The following MACROD1 variants were observed in gnomAD, a reference collection of about 807,000 sequenced individuals.
MACROD1 encodes ADP-ribose glycohydrolase MACROD1.
A neutral mutation model predicts 41.4 loss-of-function variants in MACROD1; 31 were observed. The ratio of observed to expected loss-of-function variants is 0.75; its 90% CI spans 0.56 to 1.01. The LOEUF is 1.01. Among genes scored for constraint, MACROD1 ranks in the 50% least tolerant of loss-of-function variants. MACROD1 has a pLI of 0.00. For missense variants in MACROD1, 473 were observed against 460.0 expected (o/e 1.03, Z -0.26); for synonymous variants, 252 against 203.4 (o/e 1.24, Z -2.03).
rs187105560 is a variant in MACROD1 at position 64,137,026 on chromosome 11, G to A, written c.517+14213C>T. On this transcript the variant is annotated intron_variant, in intron 3 of 10. Coordinates refer to ENST00000255681, the MANE Select transcript of MACROD1 (RefSeq NM_014067.4). Reference sequence around the variant, plus strand: ...GCCTGTGTGATTCCTAAGGCGAGACGAATCTCCAGGCCGCTTTTCTCAGCA... The same window carrying A: ...GCCTGTGTGATTCCTAAGGCGAGACAAATCTCCAGGCCGCTTTTCTCAGCA... 7.2e-5 allele frequency among the ~76,000 whole-genome samples: 11 copies of A among 152,364 alleles called. No homozygotes were observed. The East Asian group carries it at 1.5e-3, about 21-fold the overall frequency.
Position 64,165,970 on chromosome 11 carries a change from C to A in MACROD1, c.25G>T (p.Gly9Cys). MSLQSRLSGRLAQLRAAGQ... is the reference protein window; with the variant it reads MSLQSRLSCRLAQLRAAGQ... ...GCCGCGCGCAGCTGTGCCAGGCGGC[C>A]GGACAGTCGGCTCTGTAGAGACATG... Residue 9 changes from glycine to cysteine, a missense_variant, in exon 1 of 11, where the codon GGC (glycine) becomes TGC (cysteine). By Grantham distance (159) the Gly-to-Cys change is radical (BLOSUM62 -3). Transcript: ENST00000255681. 7.7e-7 allele frequency: 1 copy of A among 1,294,390 alleles called. No homozygotes were observed. Among genetic ancestry groups the A allele is most frequent in the Non-Finnish European group, 9.7e-7 (1 of 1,027,466 alleles). 80.2% of individuals were successfully genotyped at this position (1,294,390 alleles called of 1,614,324 possible).
At position 64,017,205 on chromosome 11, in the gene MACROD1, A is replaced by G. The variant is rs111935130; in HGVS notation, c.518-1924T>C. On this transcript the variant is annotated intron_variant, in intron 3 of 10. Coordinates refer to ENST00000255681, the MANE Select transcript of MACROD1 (RefSeq NM_014067.4). ...AAGCTGGTATCGTACTCCTGACCTC[A>G]AGTGATCCACCCGCCACGGCCTCCC... Among the ~76,000 whole-genome samples, 133 of 152,174 alleles carry G rather than the reference A, an allele frequency of 8.7e-4. 1 individual carries two copies. Among genetic ancestry groups the G allele is most frequent in the African/African-American group, 3.2e-3 (132 of 41,526 alleles).
chr11:64,105,186 G>A (rs912125247), intron 3 of MACROD1, among the ~76,000 whole-genome samples: 6 of 152,326 alleles, frequency 3.9e-5, no homozygotes, highest in South Asian at 2.1e-4. Context: ...GCCCGACAGC[G>A]GGGCCGCGAG....
At chr11:64,041,709 C>T (rs1943490746) in intron 3 of MACROD1, among the ~76,000 whole-genome samples, 1 of 152,172 alleles carries the variant, frequency 6.6e-6, no homozygotes, top group African/African-American at 2.4e-5. Flanking sequence ...AGGGACTGAG[C>T]TCTCTCAAGC....
At chr11:64,124,646 C>T (rs1590944375) in intron 3 of MACROD1, among the ~76,000 whole-genome samples, 1 of 151,996 alleles carries the variant, frequency 6.6e-6, no homozygotes, top group South Asian at 2.1e-4. Flanking sequence ...GCGGGTGTGC[C>T]TGGAGACCCC....
intron 1 of MACROD1, among the ~76,000 whole-genome samples, chr11:64,165,033 C>T (rs1945816505): frequency 6.6e-6 from 1 of 152,252 alleles, no homozygotes; most frequent in South Asian, 2.1e-4. Context: ...CCTCTAACCT[C>T]TGTTCCTGGC....
intron 3 of MACROD1, among the ~76,000 whole-genome samples, chr11:64,077,806 G>T (rs1009969229): frequency 6.6e-6 from 1 of 152,234 alleles, no homozygotes; most frequent in East Asian, 1.9e-4. Context: ...TCCGGCCGCC[G>T]CTCGGACATT....
At chr11:64,121,857 A>T (rs1033333409) in intron 3 of MACROD1, among the ~76,000 whole-genome samples, 2 of 152,180 alleles carry the variant, frequency 1.3e-5, no homozygotes, top group African/African-American at 4.8e-5. Context: ...AAAGTTAAAG[A>T]TAAAAAAAGC....
intron 3 of MACROD1, among the ~76,000 whole-genome samples, chr11:64,112,276 G>A (rs1247032152): frequency 1.3e-5 from 2 of 152,170 alleles, no homozygotes; most frequent in Non-Finnish European, 2.9e-5. Context: ...TACTTTGAGA[G>A]GCCCAGGGAG....
intron 4 of MACROD1, among the ~76,000 whole-genome samples, chr11:64,003,652 C>G (rs1358902252): frequency 6.6e-6 from 1 of 152,170 alleles, no homozygotes; most frequent in African/African-American, 2.4e-5. Context: ...TATTATTTTT[C>G]CTGTTTATAG....
At chr11:64,042,088 C>T (rs972763203) in intron 3 of MACROD1, among the ~76,000 whole-genome samples, 1 of 152,094 alleles carries the variant, frequency 6.6e-6, no homozygotes, top group Non-Finnish European at 1.5e-5. Flanking sequence ...GGGAAGGTGG[C>T]GGTGGCCCAG....
intron 3 of MACROD1, among the ~76,000 whole-genome samples, chr11:64,109,573 G>A (rs1944824090): frequency 6.6e-6 from 1 of 152,162 alleles, no homozygotes; most frequent in African/African-American, 2.4e-5. Flanking sequence ...GGAGGAGGTA[G>A]GGAACTATTT....
intron 3 of MACROD1, among the ~76,000 whole-genome samples, chr11:64,085,807 G>C (rs896420146): frequency 6.6e-5 from 10 of 152,220 alleles, no homozygotes; most frequent in African/African-American, 2.2e-4. Flanking sequence ...AGCTGGGCAA[G>C]TCGGGGAATA....
chr11:64,066,534 A>T (rs1565216984), intron 3 of MACROD1, among the ~76,000 whole-genome samples: 1 of 151,678 alleles, frequency 6.6e-6, no homozygotes, highest in African/African-American at 2.4e-5. Context: ...CAGGAGGATC[A>T]CTTGAGCCTG....
At chr11:64,033,967 C>G (rs751923804) in intron 3 of MACROD1, among the ~76,000 whole-genome samples, 2 of 152,172 alleles carry the variant, frequency 1.3e-5, no homozygotes, top group East Asian at 3.8e-4. Context: ...ATGGCTGGCT[C>G]GAAGATAACA....
intron 3 of MACROD1, among the ~76,000 whole-genome samples, chr11:64,033,032 G>C (rs1404498671): frequency 1.3e-5 from 2 of 152,034 alleles, no homozygotes; most frequent in East Asian, 1.9e-4. Context: ...TCTGCTGTCT[G>C]CAAGAACATC....
chr11:64,060,269 CGGG>C (rs1188813786), intron 3 of MACROD1, among the ~76,000 whole-genome samples: 1 of 152,212 alleles, frequency 6.6e-6, no homozygotes, highest in East Asian at 1.9e-4. Flanking sequence ...CCCAGAGCTC[CGGG>C]AGCGGCGGGA....
chr11:64,157,874 A>G (rs1038376119), intron 1 of MACROD1, among the ~76,000 whole-genome samples: 1 of 152,134 alleles, frequency 6.6e-6, no homozygotes, highest in Admixed American at 6.6e-5. Flanking sequence ...TGGCAGGGGC[A>G]TTAATCACCT....
rs755644850 is a variant in MACROD1, at chr11:64,120,127, C to T, written c.517+31112G>A. Among the ~76,000 whole-genome samples the T allele has an allele frequency of 1.3e-4, 20 of 152,148 alleles. No homozygotes were observed. Among genetic ancestry groups the T allele is most frequent in the African/African-American group, 4.8e-4 (20 of 41,426 alleles). On this transcript the variant is annotated intron_variant, in intron 3 of 10. Transcript: ENST00000255681. This position sits in a 1 kb window ranked among gnomAD's most constrained non-coding sequence, Gnocchi z 4.5. Reference sequence around the variant, plus strand: ...CAGGGGTTACGTTAAAAGGCCCGACCGCCACCTTCAGTGAGGAGATGGGGC... The same window carrying T: ...CAGGGGTTACGTTAAAAGGCCCGACTGCCACCTTCAGTGAGGAGATGGGGC...
Sources: gnomAD v4.1 joint callset for allele counts (sites outside exome capture counted in the v4.1 genomes callset) on GRCh38, gnomAD v4.1.1 for gene constraint, Gnocchi (gnomAD v3.1) non-coding constraint, MANE v1.5 for transcripts, NCBI Gene and HGNC (gene_info 2026-07-23, HGNC 2026-07-21) for gene names.